Variants in HDAC4 observed in about 807,000 individuals in gnomAD.
The protein encoded by HDAC4 is histone deacetylase A.
HDAC4 carries 16 observed loss-of-function variants against 135.1 expected under a neutral mutation model. The ratio of observed to expected loss-of-function variants is 0.12; its 90% CI spans 0.08 to 0.18. The LOEUF is 0.18. Among genes scored for constraint, HDAC4 ranks in the 10% least tolerant of loss-of-function variants. The pLI, the probability that HDAC4 is intolerant of heterozygous loss-of-function variation, is 1.00. For synonymous variants in HDAC4, 685 were observed against 653.4 expected, an observed-to-expected ratio of 1.05 and a Z score of -0.74; for missense variants, 1,143 against 1,511.8, an observed-to-expected ratio of 0.76 and a Z score of 4.05.
At chr2:239,290,907 A>G (rs1241536665) in intron 2 of HDAC4, among the ~76,000 whole-genome samples, 2 of 152,164 alleles carry the variant, frequency 1.3e-5, no homozygotes, top group African/African-American at 4.8e-5. Context: ...TTCACTCAGG[A>G]ATTTTTCGTG....
intron 3 of HDAC4, among the ~76,000 whole-genome samples, chr2:239,194,300 T>TA (rs2045215304): frequency 1.3e-5 from 2 of 152,262 alleles, no homozygotes; most frequent in South Asian, 4.1e-4. Context: ...ATCTGTTCCT[T>TA]AAGCTGTTTT....
chr2:239,131,001 C>T (rs1015247591), intron 11 of HDAC4, among the ~76,000 whole-genome samples: 3 of 152,252 alleles, frequency 2.0e-5, no homozygotes, highest in Non-Finnish European at 2.9e-5. Flanking sequence ...CTCCACTCCC[C>T]GCCTCAGCTA....
intron 2 of HDAC4, among the ~76,000 whole-genome samples, chr2:239,348,284 G>A (rs1692864361): frequency 6.6e-6 from 1 of 151,112 alleles, no homozygotes; most frequent in Non-Finnish European, 1.5e-5. Context: ...ACACGTCCCA[G>A]CAAATCCACG....
intron 4 of HDAC4, among the ~76,000 whole-genome samples, chr2:239,180,907 G>A (rs887104683): frequency 6.6e-6 from 1 of 152,240 alleles, no homozygotes; most frequent in Non-Finnish European, 1.5e-5. Flanking sequence ...CACCTGGGCT[G>A]GGTCATTGCA....
intron 24 of HDAC4, among the ~76,000 whole-genome samples, chr2:239,061,515 C>T (rs1188367670): frequency 1.3e-5 from 2 of 151,016 alleles, no homozygotes; most frequent in African/African-American, 4.9e-5. Flanking sequence ...GTGACTGGTG[C>T]TTGCGTGGGT....
chr2:239,302,377 T>C (rs1201023520), intron 2 of HDAC4, among the ~76,000 whole-genome samples: 3 of 152,222 alleles, frequency 2.0e-5, no homozygotes, highest in Non-Finnish European at 4.4e-5. Context: ...ATTGCAGAAC[T>C]AGCACTAGAG....
Position 239,350,988 on chromosome 2 carries a change from C to G in HDAC4, c.22+1690G>C, listed in dbSNP as rs1467563335. Among the ~76,000 whole-genome samples the G allele has an allele frequency of 2.0e-5, 3 of 152,296 alleles. No homozygotes were observed. The South Asian group carries it at 6.2e-4, about 32-fold the overall frequency. On this transcript the variant is annotated intron_variant, in intron 2 of 26. Coordinates refer to ENST00000543185, the MANE Select transcript of HDAC4 (RefSeq NM_001378414.1). Reference sequence around the variant, plus strand: ...AAGTGTACTCAAACAATAATTTTCCCATAGCACACTGACAAAAATGAGAGA... The same window carrying G: ...AAGTGTACTCAAACAATAATTTTCCGATAGCACACTGACAAAAATGAGAGA...
At chr2:239,216,219 T>G (rs2046626316) in intron 3 of HDAC4, among the ~76,000 whole-genome samples, 1 of 152,012 alleles carries the variant, frequency 6.6e-6, no homozygotes, top group Non-Finnish European at 1.5e-5. Flanking sequence ...CACATAGATA[T>G]TCACACATAC....
chr2:239,111,778 G>C, intron 13 of HDAC4, 66 bp from the exon 14 acceptor site: 1 of 1,448,218 alleles, frequency 6.9e-7, no homozygotes, highest in African/African-American at 1.4e-5. Context: ...GCAGGGCTAG[G>C]GGTTGCCCTC....
chr2:239,259,608 C>T (rs2049235534), intron 2 of HDAC4, among the ~76,000 whole-genome samples: 1 of 152,182 alleles, frequency 6.6e-6, no homozygotes, highest in Non-Finnish European at 1.5e-5. Context: ...TATTCGGGTT[C>T]CACTTCAAAG....
At chr2:239,142,852 C>T (rs1341996617) in intron 8 of HDAC4, among the ~76,000 whole-genome samples, 1 of 150,792 alleles carries the variant, frequency 6.6e-6, no homozygotes. Context: ...CCTGGGTGAG[C>T]TCAGCACTGA....
At chr2:239,130,522 C>G (rs550413678) in intron 11 of HDAC4, among the ~76,000 whole-genome samples, 2 of 150,810 alleles carry the variant, frequency 1.3e-5, no homozygotes, top group East Asian at 2.0e-4. Flanking sequence ...GCCACCTCCA[C>G]GAGGCATACA....
chr2:239,390,582 C>A (rs898840897), intron 1 of HDAC4, among the ~76,000 whole-genome samples: 1 of 152,020 alleles, frequency 6.6e-6, no homozygotes, highest in African/African-American at 2.4e-5. Context: ...TTGGAAGCCA[C>A]CCCCAAAAAT....
intron 14 of HDAC4, 130 bp downstream of exon 14, chr2:239,111,396 A>G: frequency 1.2e-6 from 1 of 861,962 alleles, no homozygotes; most frequent in South Asian, 1.5e-5. Context: ...GGTCCCCACC[A>G]TCCAGCGTGG....
chr2:239,283,290 G>A (rs571187352), intron 2 of HDAC4, among the ~76,000 whole-genome samples: 2 of 152,362 alleles, frequency 1.3e-5, no homozygotes, highest in Non-Finnish European at 2.9e-5. Flanking sequence ...AAAAAACTCT[G>A]CATGACGCTG....
intron 12 of HDAC4, among the ~76,000 whole-genome samples, chr2:239,119,544 A>G (rs1030928865): frequency 1.7e-4 from 24 of 143,276 alleles, no homozygotes; most frequent in Non-Finnish European, 3.4e-4. Flanking sequence ...TGTGGGGACC[A>G]GAGCTAAGGG....
chr2:239,106,187 G>A (rs944739617), intron 15 of HDAC4, among the ~76,000 whole-genome samples: 3 of 152,110 alleles, frequency 2.0e-5, no homozygotes, highest in Non-Finnish European at 4.4e-5. Context: ...GAGGGCGGGC[G>A]GAGGAGCTGA....
intron 2 of HDAC4, among the ~76,000 whole-genome samples, chr2:239,347,166 C>A (rs1171457571): frequency 1.3e-5 from 2 of 152,144 alleles, no homozygotes; most frequent in East Asian, 3.8e-4. Flanking sequence ...TATTTAAATG[C>A]CATAAAAATG....
intron 2 of HDAC4, among the ~76,000 whole-genome samples, chr2:239,294,691 A>G (rs1440777579): frequency 6.6e-6 from 1 of 151,916 alleles, no homozygotes; most frequent in Non-Finnish European, 1.5e-5. Flanking sequence ...GGGAGTTGGA[A>G]GGAAGGGGAG....
Sources: gnomAD v4.1 joint callset for allele counts (sites outside exome capture counted in the v4.1 genomes callset) on GRCh38, gnomAD v4.1.1 for gene constraint, MANE v1.5 for transcripts, NCBI Gene and HGNC (gene_info 2026-07-23, HGNC 2026-07-21) for gene names.